Variants in MORN5 observed in about 807,000 individuals in gnomAD.
MORN5 encodes the protein MORN repeat-containing protein 5.
In MORN5, 21 loss-of-function variants were observed where a neutral mutation model predicts 22.1. The observed-to-expected ratio is 0.95, with a 90% CI of 0.67 to 1.37. The LOEUF (loss-of-function observed/expected upper bound fraction) is 1.37. Ranked by LOEUF, MORN5 falls within the 40% of genes most tolerant of loss-of-function variation. The pLI is 0.00. For synonymous variants in MORN5, 73 were observed against 74.0 expected (o/e 0.99, Z 0.07); for missense variants, 211 against 215.1 (o/e 0.98, Z 0.12).
At chr9:122,166,478 T>C (rs1367300473) in intron 1 of MORN5, among the ~76,000 whole-genome samples, 4 of 152,086 alleles carry the variant, frequency 2.6e-5, no homozygotes, top group African/African-American at 9.7e-5. Context: ...TGGGCACATC[T>C]CTACGCTCTC....
chr9:122,171,946 C>A (rs567301093), intron 3 of MORN5, among the ~76,000 whole-genome samples: 16 of 58,610 alleles, frequency 2.7e-4, no homozygotes, highest in Non-Finnish European at 4.0e-4. Context: ...TCACTTCCAT[C>A]TTTTTTTTTT....
At chr9:122,171,212 C>T (rs573813709) in intron 3 of MORN5, among the ~76,000 whole-genome samples, 4 of 152,262 alleles carry the variant, frequency 2.6e-5, no homozygotes, top group Non-Finnish European at 4.4e-5. Flanking sequence ...AGTCAACCTC[C>T]GTCAGGGCAG....
chr9:122,171,273 A>T (rs1451025201), intron 3 of MORN5, among the ~76,000 whole-genome samples: 1 of 152,082 alleles, frequency 6.6e-6, no homozygotes, highest in Non-Finnish European at 1.5e-5. Context: ...CTGAGCTCAA[A>T]CCCCCATCTC....
chr9:122,164,885 C>G (rs1455233074), intron 1 of MORN5, among the ~76,000 whole-genome samples: 5 of 152,230 alleles, frequency 3.3e-5, no homozygotes, highest in African/African-American at 1.2e-4. Flanking sequence ...GTTATCTCAA[C>G]AACTTTGTCA....
At chr9:122,195,966 T>C (rs201096632) in intron 4 of MORN5, among the ~76,000 whole-genome samples, 2 of 70,636 alleles carry the variant, frequency 2.8e-5, no homozygotes, top group African/African-American at 2.3e-4. Context: ...AAATTTTGTT[T>C]TATATTTATT....
intron 3 of MORN5, among the ~76,000 whole-genome samples, 189 bp from the exon 4 acceptor site, chr9:122,174,307 C>T (rs910484579): frequency 6.6e-6 from 1 of 152,164 alleles, no homozygotes; most frequent in African/African-American, 2.4e-5. Flanking sequence ...TTCCCAAGAG[C>T]CATGTTCAGA....
At chr9:122,189,082 C>T (rs1234173646) in intron 4 of MORN5, among the ~76,000 whole-genome samples, 1 of 151,958 alleles carries the variant, frequency 6.6e-6, no homozygotes, top group Non-Finnish European at 1.5e-5. Context: ...GTAATCCCAG[C>T]TACTTGGGAG....
chr9:122,187,870 T>A (rs1482433910), intron 4 of MORN5, among the ~76,000 whole-genome samples: 1 of 152,172 alleles, frequency 6.6e-6, no homozygotes, highest in Non-Finnish European at 1.5e-5. Context: ...TCCCAAGCTA[T>A]CCAGATGATG....
rs115810613 is a variant in MORN5 at position 122,197,808 on chromosome 9, G to A, written c.440-2077G>A. Among the ~76,000 whole-genome samples the A allele has an allele frequency of 3.1e-3, 473 of 152,300 alleles. 3 individuals carry two copies. The highest frequency in any genetic ancestry group is 0.011 in the African/African-American group (443 of 41,554). The stretch of plus-strand genomic sequence containing the variant: ...TATCAACCAGGCTGCTCACAGTGTG[G>A]CAAAAGTGGGCTCCACCAGCGCTTA... On this transcript the variant is annotated intron_variant, in intron 4 of 4. Transcript: ENST00000373764. This position sits in a 1 kb window ranked among gnomAD's most constrained non-coding sequence, Gnocchi z 5.7.
intron 4 of MORN5, among the ~76,000 whole-genome samples, chr9:122,198,126 G>C (rs1829935647): frequency 6.6e-6 from 1 of 152,166 alleles, no homozygotes; most frequent in Non-Finnish European, 1.5e-5. Context: ...ATGGACTTAG[G>C]ACAAGGCTCT....
intron 4 of MORN5, among the ~76,000 whole-genome samples, chr9:122,195,968 A>ATTTATTTATTTATT (rs1829879248): frequency 6.8e-6 from 1 of 147,592 alleles, no homozygotes; most frequent in Admixed American, 6.7e-5. Context: ...ATTTTGTTTT[A>ATTTATTTATTTATT]TATTTATTTA....
At chr9:122,194,172 G>C (rs1342225757) in intron 4 of MORN5, among the ~76,000 whole-genome samples, 1 of 152,214 alleles carries the variant, frequency 6.6e-6, no homozygotes, top group Non-Finnish European at 1.5e-5. Flanking sequence ...CCTGGGTCCT[G>C]GCAGCGCTCA....
chr9:122,168,513 G>C (rs948670218), intron 2 of MORN5, among the ~76,000 whole-genome samples: 2 of 152,188 alleles, frequency 1.3e-5, no homozygotes, highest in African/African-American at 4.8e-5. Flanking sequence ...TTATAGCTTG[G>C]AGAGTCTAAG....
chr9:122,166,974 A>C, intron 2 of MORN5, 59 bp downstream of exon 2: 1 of 1,498,080 alleles, frequency 6.7e-7, no homozygotes, highest in Non-Finnish European at 9.1e-7. Flanking sequence ...GAAGAGCCTC[A>C]CCCTCTGGCA....
chr9:122,193,529 G>T (rs1487809062), intron 4 of MORN5, among the ~76,000 whole-genome samples: 1 of 152,208 alleles, frequency 6.6e-6, no homozygotes, highest in African/African-American at 2.4e-5. Flanking sequence ...GGGTTGCAGT[G>T]AACCAAGATT....
intron 2 of MORN5, among the ~76,000 whole-genome samples, chr9:122,168,591 C>G (rs892101384): frequency 6.6e-6 from 1 of 152,184 alleles, no homozygotes; most frequent in Non-Finnish European, 1.5e-5. Context: ...GAATTTCCAC[C>G]CGTGTTTCCT....
intron 4 of MORN5, among the ~76,000 whole-genome samples, chr9:122,183,800 A>G (rs774757243): frequency 6.6e-6 from 1 of 152,226 alleles, no homozygotes; most frequent in Non-Finnish European, 1.5e-5. Context: ...GCTCTTCAAA[A>G]TAGCACCAAC....
chr9:122,177,312 G>A (rs746429529), intron 4 of MORN5, among the ~76,000 whole-genome samples: 5 of 152,244 alleles, frequency 3.3e-5, no homozygotes, highest in Non-Finnish European at 7.3e-5. Flanking sequence ...GCGTATCTTT[G>A]TCTGCCTGAC....
chr9:122,178,172 C>A (rs933059441), intron 4 of MORN5, among the ~76,000 whole-genome samples: 3 of 152,140 alleles, frequency 2.0e-5, no homozygotes, highest in Non-Finnish European at 4.4e-5. Context: ...GCAACCTGGG[C>A]AACACAGCAA....
Sources: allele counts gnomAD v4.1 joint callset (sites outside exome capture counted in the v4.1 genomes callset), GRCh38; gene constraint gnomAD v4.1.1; non-coding constraint Gnocchi (gnomAD v3.1); transcripts MANE v1.5; gene names NCBI Gene and HGNC (gene_info 2026-07-23, HGNC 2026-07-21).